STAB2: variants seen among roughly 807,000 people sequenced by gnomAD.
STAB2 encodes the protein stabilin-2.
In STAB2, 288 loss-of-function variants were observed where a neutral mutation model predicts 338.1. The ratio of observed to expected loss-of-function variants is 0.85; its 90% CI spans 0.77 to 0.94. The LOEUF is 0.94. STAB2 is among the 40% of genes least tolerant of loss of function. STAB2 has a pLI of 0.00. For missense variants in STAB2, 3,141 were observed against 3,210.1 expected, an observed-to-expected ratio of 0.98 and a Z score of 0.52; for synonymous variants, 1,202 against 1,193.3, an observed-to-expected ratio of 1.01 and a Z score of -0.15.
intron 44 of STAB2, among the ~76,000 whole-genome samples, chr12:103,724,670 G>T (rs942562490): frequency 6.6e-6 from 1 of 152,122 alleles, no homozygotes; most frequent in East Asian, 1.9e-4. Flanking sequence ...AACAGGTGGG[G>T]TCTTCCTAGT....
rs1219640766 is a variant in STAB2 at position 103,620,451 on chromosome 12, G to A, written c.332-17G>A. ...TGCAGTCACGAATGAATACATCTGA[G>A]CTGTTTGATTCCCTAGAGTGCCCAG... On this transcript the variant is annotated splice_polypyrimidine_tract_variant and intron_variant, in intron 3 of 68. Coordinates refer to ENST00000388887, the MANE Select transcript of STAB2 (RefSeq NM_017564.10). 6.4e-7 allele frequency: 1 copy of A among 1,567,378 alleles called. No individual in the cohort carries two copies. The highest frequency in any genetic ancestry group is 8.7e-7 in the Non-Finnish European group (1 of 1,154,572).
chr12:103,735,650 GC>G, intron 52 of STAB2, 70 bp downstream of exon 52: 1 of 1,213,114 alleles, frequency 8.2e-7, no homozygotes, highest in South Asian at 1.6e-5. Context: ...CCCAACAACT[GC>G]CCCTTCAAGG....
intron 57 of STAB2, among the ~76,000 whole-genome samples, chr12:103,745,833 G>T (rs1008072729): frequency 1.3e-5 from 2 of 152,220 alleles, no homozygotes; most frequent in African/African-American, 4.8e-5. Flanking sequence ...CTCAAAACAA[G>T]CAGCTGCCAT....
intron 5 of STAB2, among the ~76,000 whole-genome samples, chr12:103,627,301 A>T (rs573514927): frequency 6.6e-6 from 1 of 152,308 alleles, no homozygotes; most frequent in South Asian, 2.1e-4. Context: ...CCCAGTCCCA[A>T]GGAGCTGGAA....
chr12:103,668,547 A>G, intron 19 of STAB2, 96 bp from the exon 20 acceptor site: 3 of 1,125,544 alleles, frequency 2.7e-6, no homozygotes, highest in South Asian at 2.7e-5. Flanking sequence ...CAGTGGTGAA[A>G]TGGAAGTACA....
chr12:103,607,538 C>A (rs138241309), intron 3 of STAB2, among the ~76,000 whole-genome samples: 48,310 of 148,916 alleles, frequency 0.32, 9,880 homozygotes, highest in African/African-American at 0.58. Context: ...CCTCCCTCCT[C>A]CCCCCACCCC....
chr12:103,687,853 G>A (rs186382408), intron 27 of STAB2, among the ~76,000 whole-genome samples: 51 of 152,242 alleles, frequency 3.3e-4, no homozygotes, highest in African/African-American at 7.9e-4. Flanking sequence ...CTAGGTAGCC[G>A]CGTTCTTACA....
intron 67 of STAB2, 74 bp from the exon 68 acceptor site, chr12:103,763,418 T>C (rs1295466964): frequency 1.1e-5 from 15 of 1,375,450 alleles, no homozygotes; most frequent in African/African-American, 7.1e-5. Context: ...GGTGGCTTGC[T>C]TTACCTGCCA....
intron 5 of STAB2, among the ~76,000 whole-genome samples, chr12:103,628,593 T>C (rs528348700): frequency 8.0e-4 from 122 of 152,350 alleles, no homozygotes; most frequent in African/African-American, 2.7e-3. Context: ...CTTGCTTCTT[T>C]CATCCTCTGG....
At chr12:103,715,998 C>G in intron 43 of STAB2, 110 bp downstream of exon 43, 1 of 1,159,202 alleles carries the variant, frequency 8.6e-7, no homozygotes. Context: ...AGAGCTGCAG[C>G]TGAAAATAAA....
At chr12:103,745,308 G>A in intron 57 of STAB2, 31 bp downstream of exon 57, 1 of 1,598,740 alleles carries the variant, frequency 6.3e-7, no homozygotes, top group Non-Finnish European at 8.5e-7. Context: ...GCTGCTGGCA[G>A]CCCAGGGCTG....
chr12:103,635,642 G>C (rs534059879), intron 6 of STAB2, among the ~76,000 whole-genome samples: 1 of 152,338 alleles, frequency 6.6e-6, no homozygotes, highest in African/African-American at 2.4e-5. Flanking sequence ...GGCCCCTGAA[G>C]AGCTGGTCAT....
chr12:103,631,560 A>G, intron 5 of STAB2, 38 bp from the exon 6 acceptor site: 1 of 1,577,234 alleles, frequency 6.3e-7, no homozygotes, highest in Non-Finnish European at 8.7e-7. Context: ...GCAACAGTCT[A>G]TGTCAGGTAA....
intron 5 of STAB2, 66 bp downstream of exon 5, chr12:103,622,177 C>G (rs1391907005): frequency 2.0e-6 from 3 of 1,537,516 alleles, no homozygotes; most frequent in Non-Finnish European, 2.7e-6. Context: ...AAGATTGCTC[C>G]TTGAGGAGAA....
intron 23 of STAB2, among the ~76,000 whole-genome samples, chr12:103,674,528 C>T (rs902379115): frequency 6.6e-6 from 1 of 152,222 alleles, no homozygotes; most frequent in African/African-American, 2.4e-5. Context: ...AACTTTCTAA[C>T]CTTTGAAGAC....
chr12:103,635,938 T>G lies in STAB2; in HGVS notation c.584-1173T>G, dbSNP rs375555724. Among the ~76,000 whole-genome samples the G allele has an allele frequency of 2.2e-4, 34 of 152,294 alleles. No homozygotes were observed. The East Asian group carries it at 5.4e-3, about 24-fold the overall frequency. On this transcript the variant is annotated intron_variant, in intron 6 of 68. Transcript: ENST00000388887. ...GTGACTAACGCCATGCTTTTTCCAG[T>G]GGTATTCAGATCTCAGCCTGGAGGG...
chr12:103,650,650 T>A, intron 11 of STAB2, 72 bp downstream of exon 11: 1 of 1,266,778 alleles, frequency 7.9e-7, no homozygotes, highest in Non-Finnish European at 1.1e-6. Context: ...CTTCTTTTAT[T>A]TAAAGTGGGA....
chr12:103,765,592 C>A (rs1884885009), intron 68 of STAB2, among the ~76,000 whole-genome samples: 1 of 152,192 alleles, frequency 6.6e-6, no homozygotes, highest in Non-Finnish European at 1.5e-5. Flanking sequence ...TAGGCAGGGT[C>A]CTGGTGTGTC....
chr12:103,709,073 G>A (rs1219968960), intron 39 of STAB2, among the ~76,000 whole-genome samples: 1 of 152,130 alleles, frequency 6.6e-6, no homozygotes, highest in South Asian at 2.1e-4. Context: ...TTATTGCCAG[G>A]TTGTCCTCCG....
Sources: allele counts gnomAD v4.1 joint callset (sites outside exome capture counted in the v4.1 genomes callset), GRCh38; gene constraint gnomAD v4.1.1; transcripts MANE v1.5; gene names NCBI Gene and HGNC (gene_info 2026-07-23, HGNC 2026-07-21).